Variants in PCDHA5 observed in about 807,000 individuals in gnomAD.
PCDHA5 encodes the protein protocadherin alpha-5.
In PCDHA5, 43 loss-of-function variants were observed where a neutral mutation model predicts 61.6. The observed-to-expected ratio is 0.70, with a 90% CI of 0.55 to 0.90. The LOEUF (loss-of-function observed/expected upper bound fraction) is 0.90. Among genes scored for constraint, PCDHA5 ranks in the 40% least tolerant of loss-of-function variants. The pLI is 0.00. For synonymous variants in PCDHA5, 627 were observed against 543.9 expected (o/e 1.15, Z -2.13); for missense variants, 1,298 against 1,222.7 (o/e 1.06, Z -0.92).
intron 1 of PCDHA5, chr5:140,926,866 G>C: frequency 6.6e-7 from 1 of 1,524,204 alleles, no homozygotes; most frequent in Non-Finnish European, 8.8e-7. Flanking sequence ...GTAGCGTGTT[G>C]GTGGAACGTG....
chr5:140,934,490 C>T (rs189772593), intron 1 of PCDHA5, among the ~76,000 whole-genome samples: 35 of 152,244 alleles, frequency 2.3e-4, no homozygotes, highest in Admixed American at 1.4e-3. Context: ...ATATTCACCT[C>T]ATAAACACCC....
chr5:140,876,791 G>C lies in PCDHA5; in HGVS notation c.2352+52664G>C, dbSNP rs782617794. 4.3e-6 allele frequency: 7 copies of C among 1,614,242 alleles called. No homozygotes were observed. The Admixed American group carries it at 1.2e-4, about 27-fold the overall frequency. On this transcript the variant is annotated intron_variant, in intron 1 of 3. Coordinates refer to ENST00000529859, the MANE Select transcript of PCDHA5 (RefSeq NM_018908.3). ...TCGCCTTCGCTGTGGGCCACGGCTA[G>C]AGTGTCCGTGGAGGTGGCCGACGTG...
chr5:140,850,456 A>T lies in PCDHA5; in HGVS notation c.2352+26329A>T, dbSNP rs2150485002. 3 of 1,597,744 alleles carry T rather than the reference A, an allele frequency of 1.9e-6. No homozygotes were observed. In the Admixed American group the frequency reaches 5.1e-5, roughly 27 times the overall value. ...CGCCTACTGGTGCTGGTGAAAGACC[A>T]CGGGGAGCCAGCGCTGACGGCCACG... On this transcript the variant is annotated intron_variant, in intron 1 of 3. Coordinates refer to ENST00000529859, the MANE Select transcript of PCDHA5 (RefSeq NM_018908.3).
At chr5:140,842,107 C>CA (rs1468350486) in intron 1 of PCDHA5, 1 of 1,613,738 alleles carries the variant, frequency 6.2e-7, no homozygotes, top group Non-Finnish European at 8.5e-7. Context: ...CAACAGTTAT[C>CA]AAACTGAATG....
chr5:140,875,567 A>G (rs1389005721), intron 1 of PCDHA5: 14 of 1,613,986 alleles, frequency 8.7e-6, no homozygotes, highest in African/African-American at 2.7e-5. Context: ...GGCCAGCTCC[A>G]CTACTCCGTC....
chr5:140,853,535 C>G (rs916895928), intron 1 of PCDHA5: 2 of 979,230 alleles, frequency 2.0e-6, no homozygotes, highest in South Asian at 9.5e-5. Context: ...TGTCTCTTTT[C>G]AAGTTGTAAT....
At chr5:140,845,597 G>C (rs1779944998) in intron 1 of PCDHA5, among the ~76,000 whole-genome samples, 1 of 149,484 alleles carries the variant, frequency 6.7e-6, no homozygotes, top group African/African-American at 2.4e-5. Flanking sequence ...TCAGAAGTTA[G>C]TTATTAAGTA....
chr5:140,869,469 G>A lies in PCDHA5; in HGVS notation c.2352+45342G>A, dbSNP rs781981842. The A allele has an allele frequency of 2.0e-5, 32 of 1,614,092 alleles. No individual in the cohort carries two copies. In the East Asian group the frequency reaches 5.1e-4, roughly 26 times the overall value. On this transcript the variant is annotated intron_variant, in intron 1 of 3. Coordinates refer to ENST00000529859, the MANE Select transcript of PCDHA5 (RefSeq NM_018908.3). Reference sequence around the variant, plus strand: ...TGCAGGTTTTCCATGTGAACGTGGAGGTGAAGGACATTAACGACAACCCGC... The same window carrying A: ...TGCAGGTTTTCCATGTGAACGTGGAAGTGAAGGACATTAACGACAACCCGC...
At chr5:140,911,168 T>C (rs1315264734) in intron 1 of PCDHA5, among the ~76,000 whole-genome samples, 1 of 152,190 alleles carries the variant, frequency 6.6e-6, no homozygotes, top group Non-Finnish European at 1.5e-5. Context: ...GTGGAAAGGC[T>C]GATGGCAGTG....
At chr5:140,867,423 A>G (rs1399312852) in intron 1 of PCDHA5, 14 of 152,182 alleles carry the variant, frequency 9.2e-5, no homozygotes, top group African/African-American at 3.4e-4. Flanking sequence ...TTTTTAATAC[A>G]GAATTTTGCA....
Position 140,873,721 on chromosome 5 carries a change from C to T in PCDHA5, c.2352+49594C>T, listed in dbSNP as rs556752313. On this transcript the variant is annotated intron_variant, in intron 1 of 3. Coordinates refer to ENST00000529859, the MANE Select transcript of PCDHA5 (RefSeq NM_018908.3). ...TATCACCCAGGCTGGTGTGCAGTGG[C>T]GCAATCTCAGCTCACTGCAATCTCC... Among the ~76,000 whole-genome samples, 8 of 152,254 alleles carry T rather than the reference C, an allele frequency of 5.3e-5. No individual in the cohort carries two copies. In the South Asian group the frequency reaches 1.0e-3, roughly 20 times the overall value.
At chr5:140,978,283 G>A (rs1355729190) in intron 1 of PCDHA5, among the ~76,000 whole-genome samples, 3 of 152,200 alleles carry the variant, frequency 2.0e-5, no homozygotes, top group South Asian at 2.1e-4. Context: ...CAGTGATTCA[G>A]TGAGGAGGGA....
chr5:141,003,322 G>A (rs1588017257), intron 3 of PCDHA5, among the ~76,000 whole-genome samples: 1 of 152,242 alleles, frequency 6.6e-6, no homozygotes, highest in East Asian at 1.9e-4. Flanking sequence ...ACTTCCAGAG[G>A]GCAGGGTTTT....
At chr5:140,856,114 C>A (rs1375690984) in intron 1 of PCDHA5, 3 of 1,597,988 alleles carry the variant, frequency 1.9e-6, no homozygotes, top group Non-Finnish European at 2.6e-6. Flanking sequence ...TCCTCGCAGC[C>A]TGGGAGGTGG....
intron 1 of PCDHA5, chr5:140,871,181 T>C (rs782405877): frequency 6.2e-7 from 1 of 1,613,552 alleles, no homozygotes; most frequent in Admixed American, 1.7e-5. Flanking sequence ...GCTGCGCTGG[T>C]GGATGTCAAC....
intron 3 of PCDHA5, among the ~76,000 whole-genome samples, chr5:140,992,926 A>C (rs2097533873): frequency 6.6e-6 from 1 of 152,226 alleles, no homozygotes; most frequent in African/African-American, 2.4e-5. Context: ...CCATACTTAC[A>C]GCAGCTCTGA....
At position 140,849,254 on chromosome 5, in the gene PCDHA5, A is replaced by C. The variant is rs2150433667; in HGVS notation, c.2352+25127A>C. The stretch of plus-strand genomic sequence containing the variant: ...CCCTGTATACGGTGAAATTACCAGA[A>C]AACGTTTCTATCGGAACGCTGGTGA... On this transcript the variant is annotated intron_variant, in intron 1 of 3. Coordinates refer to ENST00000529859, the MANE Select transcript of PCDHA5 (RefSeq NM_018908.3). The C allele has an allele frequency of 1.6e-4, 171 of 1,103,146 alleles. 11 individuals are homozygous for C. In the South Asian group the frequency reaches 1.7e-3, roughly 11 times the overall value. 68.3% of individuals were successfully genotyped at this position (1,103,146 alleles called of 1,614,324 possible). A position where few individuals can be genotyped will look rare whatever the true frequency, so the allele number is the denominator to read the frequency against.
rs140680694 is a variant in PCDHA5, at chr5:140,925,580, G to A, written c.2353-53369G>A. 5.4e-3 allele frequency among the ~76,000 whole-genome samples: 819 copies of A among 151,688 alleles called. 10 individuals carry two copies. The highest frequency in any genetic ancestry group is 0.019 in the African/African-American group (777 of 41,364). On this transcript the variant is annotated intron_variant, in intron 1 of 3. Transcript: ENST00000529859. ...GTTAATGGGTGCAGCACACCAACATGGCGCATGTATACATATGTAACAAAC... is the reference window on the plus strand; with the variant it reads ...GTTAATGGGTGCAGCACACCAACATAGCGCATGTATACATATGTAACAAAC...
chr5:140,968,989 C>T, intron 1 of PCDHA5: 1 of 1,614,234 alleles, frequency 6.2e-7, no homozygotes, highest in Non-Finnish European at 8.5e-7. Flanking sequence ...GCACTGCATG[C>T]TGTGGAGGCT....
Sources: gnomAD v4.1 joint callset for allele counts (sites outside exome capture counted in the v4.1 genomes callset) on GRCh38, gnomAD v4.1.1 for gene constraint, MANE v1.5 for transcripts, NCBI Gene and HGNC (gene_info 2026-07-23, HGNC 2026-07-21) for gene names.